Variants in SUN2 observed in about 807,000 individuals in gnomAD.
SUN2 encodes the protein Sad1 and UNC84 domain containing 2, also known as SUN domain-containing protein 2.
A neutral mutation model predicts 100.0 loss-of-function variants in SUN2; 60 were observed. The ratio of observed to expected loss-of-function variants is 0.60; its 90% CI spans 0.49 to 0.74. SUN2 has a LOEUF of 0.74. Among genes scored for constraint, SUN2 ranks in the 30% least tolerant of loss-of-function variants. The probability of loss-of-function intolerance (pLI) is 0.00; values close to 1 mark genes in which losing one functional copy is unlikely to be tolerated. For missense variants in SUN2, 834 were observed against 954.6 expected (o/e 0.87, Z 1.66); for synonymous variants, 367 against 403.3 (o/e 0.91, Z 1.08).
In SUN2 at chr22:38,737,702, C is replaced by G. The variant is rs2092818304; in HGVS notation, c.2040+471G>C. 2 of 357,518 alleles carry G rather than the reference C, an allele frequency of 5.6e-6. No individual in the cohort carries two copies. Among genetic ancestry groups the G allele is most frequent in the Non-Finnish European group, 1.1e-5 (2 of 181,462 alleles). The allele number at this position is 357,518 out of a possible 1,614,324, so 22.1% of individuals were successfully genotyped here. ...TTGTTCAAATGCAGGCTCCTGGGTC[C>G]TGTCAGCCCTAAGGAACCAGACTCT... On this transcript the variant is annotated intron_variant, in intron 17 of 17. Transcript: ENST00000689035. This position sits in a 1 kb window ranked among gnomAD's most constrained non-coding sequence, Gnocchi z 4.1.
intron 10 of SUN2, among the ~76,000 whole-genome samples, 177 bp from the exon 11 acceptor site, chr22:38,741,227 T>C (rs534901690): frequency 1.3e-5 from 2 of 151,484 alleles, no homozygotes; most frequent in African/African-American, 4.9e-5. Flanking sequence ...GTCTCGTCCA[T>C]GTCTGACACA....
chr22:38,755,804 G>A lies in SUN2; in HGVS notation c.-79C>T, dbSNP rs1050717515. 1.0e-6 allele frequency: 1 copy of A among 984,006 alleles called. No individual in the cohort carries two copies. The highest frequency in any genetic ancestry group is 1.2e-6 in the Non-Finnish European group (1 of 829,518). 61.0% of individuals were successfully genotyped at this position (984,006 alleles called of 1,614,324 possible). On this transcript the variant is annotated 5_prime_UTR_variant, in exon 1 of 18. Coordinates refer to ENST00000689035, the MANE Select transcript of SUN2 (RefSeq NM_015374.3). The surrounding 1 kb of genome is among the most constrained non-coding windows in gnomAD (Gnocchi z 5.7). ...TTCTAGCCCGGCCGGGGGCGTCCGA[G>A]GCCAGGCCGCCGCCGGGGCGCGCCC...
rs1405298457 is a variant in SUN2 at position 38,741,476 on chromosome 22, T to C, written c.1146+18A>G. On this transcript the variant is annotated intron_variant, in intron 10 of 17. Transcript: ENST00000689035. ...TCAGGACCCAGTCACAGGCCCTGAG[T>C]GCCGCAAGCCCGCTGACCTGGGAGG... The C allele has an allele frequency of 6.2e-7, 1 of 1,612,948 alleles. No individual in the cohort carries two copies. The highest frequency in any genetic ancestry group is 1.3e-5 in the African/African-American group (1 of 74,912).
Position 38,751,244 on chromosome 22 carries a change from G to A in SUN2, c.252C>T (p.Ser84=), listed in dbSNP as rs770383830. The change falls in exon 3 of 18, where the codon AGC becomes AGT. Residue 84 remains serine (S), a synonymous_variant. Coordinates refer to ENST00000689035, the MANE Select transcript of SUN2 (RefSeq NM_015374.3). The stretch of plus-strand genomic sequence containing the variant: ...CGTCACCATGCAGTTCCTCCAGGGA[G>A]CTCCTGGGTGGGAACCAGGACTCGT... ...LVHESWFPPR[S]SLEELHGDAN... 14 of 1,613,750 alleles carry A rather than the reference G, an allele frequency of 8.7e-6. No individual in the cohort carries two copies. In the Admixed American group the frequency reaches 1.0e-4, roughly 12 times the overall value.
chr22:38,755,624 A>G lies in SUN2; in HGVS notation c.-38+139T>C, dbSNP rs2092979655. ...GGGCGCGGGCCGCGGACCCGGGTGG[A>G]GGCTGGATCCGGCCCAGCACGTCCC... is the stretch of plus-strand genomic sequence containing the variant. On this transcript the variant is annotated intron_variant, in intron 1 of 17. Transcript: ENST00000689035. This position sits in a 1 kb window ranked among gnomAD's most constrained non-coding sequence, Gnocchi z 5.7. 1 of 944,546 alleles carries G rather than the reference A, an allele frequency of 1.1e-6. No individual in the cohort carries two copies. 58.5% of individuals were successfully genotyped at this position (944,546 alleles called of 1,614,324 possible). A position where few individuals can be genotyped will look rare whatever the true frequency, so the allele number is the denominator to read the frequency against.
chr22:38,755,274 G>A lies in SUN2; in HGVS notation c.-38+489C>T. 1 of 1,123,952 alleles carries A rather than the reference G, an allele frequency of 8.9e-7. No individual in the cohort carries two copies. Among genetic ancestry groups the A allele is most frequent in the Non-Finnish European group, 1.1e-6 (1 of 909,194 alleles). 69.6% of individuals were successfully genotyped at this position (1,123,952 alleles called of 1,614,324 possible). A position where few individuals can be genotyped will look rare whatever the true frequency, so the allele number is the denominator to read the frequency against. On this transcript the variant is annotated intron_variant, in intron 1 of 17. Coordinates refer to ENST00000689035, the MANE Select transcript of SUN2 (RefSeq NM_015374.3). The surrounding 1 kb of genome is among the most constrained non-coding windows in gnomAD (Gnocchi z 5.7). ...GCCCTCATTCCCACAGGCCAAACCTGCAGAAATTGTCACCAAAGGCGCGCC... is the reference window on the plus strand; with the variant it reads ...GCCCTCATTCCCACAGGCCAAACCTACAGAAATTGTCACCAAAGGCGCGCC...
intron 8 of SUN2, chr22:38,743,741 T>C (rs2092879362): frequency 6.6e-6 from 1 of 152,246 alleles, no homozygotes. Context: ...ATTCATTTTT[T>C]TAACTTACCC....
rs757345858 is a variant in SUN2, at chr22:38,739,806, C to G, written c.1494G>C (p.Glu498Asp). Residue 498 changes from glutamate to aspartate, a missense_variant, in exon 13 of 18, where the codon GAG becomes GAC. By Grantham distance (45) the Glu-to-Asp change is conservative. Around this residue, in one of 3 missense-constraint regions of SUN2, gnomAD observed 195 missense variants for 280.2 expected, o/e 0.70. Transcript: ENST00000689035. This position sits in a 1 kb window ranked among gnomAD's most constrained non-coding sequence, Gnocchi z 6.7. ...LESKILTHVA[E>D]MQGKSAREAA... ...CTTCCCTGGCCGACTTGCCCTGCAT[C>G]TCTGCCACATGGGTGAGGATCTTGC... The G allele has an allele frequency of 6.2e-7, 1 of 1,613,688 alleles. No homozygotes were observed. The highest frequency in any genetic ancestry group is 8.5e-7 in the Non-Finnish European group (1 of 1,180,040).
Position 38,738,547 on chromosome 22 carries a change from C to A in SUN2, c.1947+40G>T. 1.9e-6 allele frequency: 3 copies of A among 1,595,222 alleles called. No homozygotes were observed. The highest frequency in any genetic ancestry group is 2.6e-6 in the Non-Finnish European group (3 of 1,166,750). ...TCAGTAGAGAGGCCCACAGGATCCCCCTGCAGCCCCTCTGGCCCCACCACA... is the reference window on the plus strand; with the variant it reads ...TCAGTAGAGAGGCCCACAGGATCCCACTGCAGCCCCTCTGGCCCCACCACA... On this transcript the variant is annotated intron_variant, in intron 16 of 17. Coordinates refer to ENST00000689035, the MANE Select transcript of SUN2 (RefSeq NM_015374.3). This position sits in a 1 kb window ranked among gnomAD's most constrained non-coding sequence, Gnocchi z 6.6.
chr22:38,740,445 AGAG>A lies in SUN2; in HGVS notation c.1191-16_1191-14del, dbSNP rs755417457. On this transcript the variant is annotated splice_polypyrimidine_tract_variant and intron_variant, in intron 11 of 17. Coordinates refer to ENST00000689035, the MANE Select transcript of SUN2 (RefSeq NM_015374.3). The surrounding 1 kb of genome is among the most constrained non-coding windows in gnomAD (Gnocchi z 4.8). ...CTCCTGGGTCATGCTGGTCCCAGAGAGAGAAGAGTAAGCCTCGGATCTCTTTGG... is the reference window on the plus strand; with the variant it reads ...CTCCTGGGTCATGCTGGTCCCAGAGAAAGAGTAAGCCTCGGATCTCTTTGG... 4.1e-6 allele frequency: 6 copies of A among 1,477,054 alleles called. No homozygotes were observed. The East Asian group carries it at 1.5e-4, about 37-fold the overall frequency. 91.5% of individuals were successfully genotyped at this position (1,477,054 alleles called of 1,614,324 possible).
Position 38,739,516 on chromosome 22 carries a change from G to A in SUN2, c.1579-90C>T. ...GCCGTGGGCCAAGGACCCATGGGCTGACCCCTTCTAGGCTTGCACTGTGCT... is the reference window on the plus strand; with the variant it reads ...GCCGTGGGCCAAGGACCCATGGGCTAACCCCTTCTAGGCTTGCACTGTGCT... On this transcript the variant is annotated intron_variant, in intron 13 of 17. Transcript: ENST00000689035. The surrounding 1 kb of genome is among the most constrained non-coding windows in gnomAD (Gnocchi z 6.7). The A allele has an allele frequency of 6.8e-7, 1 of 1,470,258 alleles. No homozygotes were observed. Among genetic ancestry groups the A allele is most frequent in the Non-Finnish European group, 9.4e-7 (1 of 1,064,694 alleles). The allele number at this position is 1,470,258 out of a possible 1,614,324, so 91.1% of individuals were successfully genotyped here. A position where few individuals can be genotyped will look rare whatever the true frequency, so the allele number is the denominator to read the frequency against.
rs1234675849 is a variant in SUN2, at chr22:38,737,904, A to T, written c.2040+269T>A. ...CTCTCCCGGCCTTCCTTTCCTGGCC[A>T]CCCAACCCCTCTTGTGTAAAGCCCA... On this transcript the variant is annotated intron_variant, in intron 17 of 17. Coordinates refer to ENST00000689035, the MANE Select transcript of SUN2 (RefSeq NM_015374.3). This position sits in a 1 kb window ranked among gnomAD's most constrained non-coding sequence, Gnocchi z 4.1. 1.5e-6 allele frequency: 1 copy of T among 649,770 alleles called. No individual in the cohort carries two copies. The highest frequency in any genetic ancestry group is 2.9e-6 in the Non-Finnish European group (1 of 342,620). 40.3% of individuals were successfully genotyped at this position (649,770 alleles called of 1,614,324 possible).
rs1419728897 is a variant in SUN2 at position 38,739,207 on chromosome 22, A to G, written c.1663+135T>C. The G allele has an allele frequency of 1.9e-6, 2 of 1,066,314 alleles. No homozygotes were observed. The highest frequency in any genetic ancestry group is 2.8e-6 in the Non-Finnish European group (2 of 704,044). The allele number at this position is 1,066,314 out of a possible 1,614,324, so 66.1% of individuals were successfully genotyped here. A position where few individuals can be genotyped will look rare whatever the true frequency, so the allele number is the denominator to read the frequency against. On this transcript the variant is annotated intron_variant, in intron 14 of 17. Coordinates refer to ENST00000689035, the MANE Select transcript of SUN2 (RefSeq NM_015374.3). This position sits in a 1 kb window ranked among gnomAD's most constrained non-coding sequence, Gnocchi z 6.7. ...CCCTGAATTGCCACTTGCCTTTGTC[A>G]TGGGTACTAGGTTGGGTGATTTCTG...
Position 38,737,888 on chromosome 22 carries a change from C to G in SUN2, c.2040+285G>C. 1 of 630,282 alleles carries G rather than the reference C, an allele frequency of 1.6e-6. No homozygotes were observed. Among genetic ancestry groups the G allele is most frequent in the Non-Finnish European group, 3.0e-6 (1 of 330,174 alleles). The allele number at this position is 630,282 out of a possible 1,614,324, so 39.0% of individuals were successfully genotyped here. A position where few individuals can be genotyped will look rare whatever the true frequency, so the allele number is the denominator to read the frequency against. ...GCGGCTCCTCGAACGCCTCTCCCGG[C>G]CTTCCTTTCCTGGCCACCCAACCCC... On this transcript the variant is annotated intron_variant, in intron 17 of 17. Transcript: ENST00000689035. The surrounding 1 kb of genome is among the most constrained non-coding windows in gnomAD (Gnocchi z 4.1).
rs1044777797 is a variant in SUN2 at position 38,740,358 on chromosome 22, T to C, written c.1265A>G (p.Gln422Arg). ...RRLEDQLAGL[Q>R]QELAALALKQ... ...CAGTGCCAGAGCCGCCAGCTCCTGC[T>C]GCAGGCCGGCCAGCTGGTCCTCCAG... is the stretch of plus-strand genomic sequence containing the variant. The change falls in exon 12 of 18, where the codon CAG becomes CGG. Residue 422 changes from glutamine (Q) to arginine (R), a missense_variant. Transcript: ENST00000689035. This position sits in a 1 kb window ranked among gnomAD's most constrained non-coding sequence, Gnocchi z 4.8. 1.9e-6 allele frequency: 3 copies of C among 1,581,818 alleles called. No homozygotes were observed. The highest frequency in any genetic ancestry group is 2.6e-6 in the Non-Finnish European group (3 of 1,164,102).
chr22:38,750,376 A>G (rs2092935725), intron 4 of SUN2, 56 bp from the exon 5 acceptor site: 2 of 1,604,764 alleles, frequency 1.2e-6, no homozygotes, highest in Non-Finnish European at 1.7e-6. Context: ...CTCTTCCTTC[A>G]CTGTCTTCTG....
chr22:38,740,666 G>T lies in SUN2; in HGVS notation c.1191-234C>A. ...CCTTTCTAAGCCCAGAGTCCAGAAT[G>T]TACTCTGCCTCAGCCTCTCACATCC... On this transcript the variant is annotated intron_variant, in intron 11 of 17. Transcript: ENST00000689035. This position sits in a 1 kb window ranked among gnomAD's most constrained non-coding sequence, Gnocchi z 4.8. 1.7e-6 allele frequency: 1 copy of T among 572,440 alleles called. No individual in the cohort carries two copies. Among genetic ancestry groups the T allele is most frequent in the Non-Finnish European group, 3.1e-6 (1 of 324,026 alleles). 35.5% of individuals were successfully genotyped at this position (572,440 alleles called of 1,614,324 possible).
Position 38,735,473 on chromosome 22 carries a change from A to G in SUN2, c.*794T>C. 3.4e-6 allele frequency: 1 copy of G among 296,088 alleles called. No homozygotes were observed. The highest frequency in any genetic ancestry group is 2.7e-5 in the South Asian group (1 of 37,096). The allele number at this position is 296,088 out of a possible 1,614,324, so 18.3% of individuals were successfully genotyped here. On this transcript the variant is annotated 3_prime_UTR_variant, in exon 18 of 18. Transcript: ENST00000689035. ...CTCCATACCCTGGGAGAATGTGGAA[A>G]GCAAGCTCAGGGGCACTGGCAGGCC... is the stretch of plus-strand genomic sequence containing the variant.
chr22:38,749,910 C>T (rs367584974), intron 5 of SUN2, 51 bp from the exon 6 acceptor site: 256 of 1,546,826 alleles, frequency 1.7e-4, no homozygotes, highest in Non-Finnish European at 2.0e-4. Flanking sequence ...TTGGGGGCAC[C>T]GCTCCTTTGT....
Sources: gnomAD v4.1 joint callset for allele counts (sites outside exome capture counted in the v4.1 genomes callset) on GRCh38, gnomAD v4.1.1 for gene constraint, gnomAD v4.1.1 regional missense constraint, Gnocchi (gnomAD v3.1) non-coding constraint, MANE v1.5 for transcripts, NCBI Gene and HGNC (gene_info 2026-07-23, HGNC 2026-07-21) for gene names.